ELMO1: variants seen among roughly 807,000 people sequenced by gnomAD.
ELMO1 encodes engulfment and cell motility protein 1.
Under a neutral mutation model 98.9 loss-of-function variants are expected in ELMO1, and 26 were observed. The ratio of observed to expected loss-of-function variants is 0.26; its 90% CI spans 0.19 to 0.36. The LOEUF is 0.36. Among genes scored for constraint, ELMO1 ranks in the 10% least tolerant of loss-of-function variants. The pLI is 1.00. For synonymous variants in ELMO1, 346 were observed against 346.0 expected, an observed-to-expected ratio of 1.00 and a Z score of 0.00; for missense variants, 627 against 935.2, an observed-to-expected ratio of 0.67 and a Z score of 4.30.
chr7:36,913,138 T>C (rs538236304), intron 16 of ELMO1, among the ~76,000 whole-genome samples: 2 of 152,358 alleles, frequency 1.3e-5, no homozygotes, highest in Non-Finnish European at 2.9e-5. Context: ...TCTGCTGCTA[T>C]GTTAATTACA....
At chr7:37,163,620 A>G (rs1789398109) in intron 13 of ELMO1, among the ~76,000 whole-genome samples, 1 of 151,756 alleles carries the variant, frequency 6.6e-6, no homozygotes, top group Non-Finnish European at 1.5e-5. Flanking sequence ...GCGATAGTTT[A>G]CTGAGAATGA....
At position 36,870,293 on chromosome 7, in the gene ELMO1, C is replaced by G. The variant is rs774573397; in HGVS notation, c.1905+100G>C. On this transcript the variant is annotated intron_variant, in intron 20 of 21. Coordinates refer to ENST00000310758, the MANE Select transcript of ELMO1 (RefSeq NM_014800.11). The surrounding 1 kb of genome is among the most constrained non-coding windows in gnomAD (Gnocchi z 4.4). ...AATAAGAGATGTGTGTCTGAACACA[C>G]GCACACACACGAACACTGCTATAAA... is the stretch of plus-strand genomic sequence containing the variant. 5 of 965,726 alleles carry G rather than the reference C, an allele frequency of 5.2e-6. No individual in the cohort carries two copies. The highest frequency in any genetic ancestry group is 8.1e-6 in the Non-Finnish European group (5 of 614,940). 59.8% of individuals were successfully genotyped at this position (965,726 alleles called of 1,614,324 possible).
intron 15 of ELMO1, among the ~76,000 whole-genome samples, chr7:37,058,765 G>A (rs1796520008): frequency 6.6e-6 from 1 of 152,112 alleles, no homozygotes. Flanking sequence ...GATTCCACAT[G>A]GCCCATATCC....
intron 14 of ELMO1, among the ~76,000 whole-genome samples, chr7:37,114,833 T>C (rs1413922807): frequency 6.6e-6 from 1 of 151,992 alleles, no homozygotes; most frequent in East Asian, 1.9e-4. Context: ...GCTAGTTTTT[T>C]GAAAAGATCA....
intron 6 of ELMO1, among the ~76,000 whole-genome samples, chr7:37,255,749 TCAG>T (rs1348972306): frequency 1.3e-5 from 2 of 152,172 alleles, no homozygotes; most frequent in Non-Finnish European, 2.9e-5. Context: ...CCAACTCATA[TCAG>T]CAGGTGACAT....
intron 1 of ELMO1, among the ~76,000 whole-genome samples, chr7:37,406,249 C>T (rs1363182432): frequency 6.8e-6 from 1 of 147,830 alleles, no homozygotes; most frequent in African/African-American, 2.5e-5. Context: ...AGGGAGAAAT[C>T]TGCAATATTA....
intron 13 of ELMO1, among the ~76,000 whole-genome samples, chr7:37,146,500 G>A (rs1490787658): frequency 6.6e-6 from 1 of 152,018 alleles, no homozygotes; most frequent in Non-Finnish European, 1.5e-5. Flanking sequence ...GCTTTAGATA[G>A]GACATACATT....
chr7:37,217,671 G>T (rs769812642), intron 10 of ELMO1: 1 of 456,780 alleles, frequency 2.2e-6, no homozygotes, highest in South Asian at 1.5e-5. Flanking sequence ...CAGGAGAGCA[G>T]GGCCCACTTT....
At chr7:37,096,214 A>T (rs2129256306) in intron 15 of ELMO1, among the ~76,000 whole-genome samples, 1 of 152,350 alleles carries the variant, frequency 6.6e-6, no homozygotes, top group East Asian at 1.9e-4. Context: ...GAATTTCATT[A>T]AGGTATTCAA....
intron 13 of ELMO1, among the ~76,000 whole-genome samples, chr7:37,184,865 C>T (rs566449302): frequency 2.0e-4 from 31 of 151,814 alleles, no homozygotes; most frequent in Admixed American, 2.6e-4. Context: ...TGCCACTGCA[C>T]GCCAGCTGGG....
At chr7:36,998,350 T>C (rs1366943016) in intron 16 of ELMO1, among the ~76,000 whole-genome samples, 3 of 152,132 alleles carry the variant, frequency 2.0e-5, no homozygotes, top group South Asian at 2.1e-4. Flanking sequence ...TCAAAATATA[T>C]ATTAATGCAC....
chr7:37,025,050 A>G (rs1794489604), intron 15 of ELMO1, among the ~76,000 whole-genome samples: 1 of 152,226 alleles, frequency 6.6e-6, no homozygotes, highest in Non-Finnish European at 1.5e-5. Context: ...GGTCTTGCCA[A>G]TAGGCTCTGT....
chr7:36,914,389 G>A (rs369108432), intron 16 of ELMO1, among the ~76,000 whole-genome samples: 24 of 152,160 alleles, frequency 1.6e-4, no homozygotes, highest in Non-Finnish European at 2.8e-4. Flanking sequence ...AAGGCTTTTC[G>A]CATCTTAATT....
chr7:36,973,701 C>G (rs1790185924), intron 16 of ELMO1, among the ~76,000 whole-genome samples: 1 of 152,186 alleles, frequency 6.6e-6, no homozygotes, highest in African/African-American at 2.4e-5. Context: ...TCTGGGCTGG[C>G]CAAGGCCGGA....
intron 16 of ELMO1, among the ~76,000 whole-genome samples, chr7:36,992,963 A>T (rs1444715165): frequency 6.6e-6 from 1 of 152,190 alleles, no homozygotes; most frequent in Non-Finnish European, 1.5e-5. Flanking sequence ...CTGTGACAAC[A>T]GGGATTACAC....
At chr7:37,013,665 A>G (rs1793722142) in intron 15 of ELMO1, 1 of 494,776 alleles carries the variant, frequency 2.0e-6, no homozygotes, top group Admixed American at 3.2e-5. Context: ...TTGGACTCAT[A>G]AAAGTCAGTC....
intron 2 of ELMO1, among the ~76,000 whole-genome samples, chr7:37,317,601 T>C (rs1381320697): frequency 1.3e-5 from 2 of 152,236 alleles, no homozygotes; most frequent in African/African-American, 4.8e-5. Context: ...TTCTCATTTA[T>C]TTGTGGGATC....
intron 1 of ELMO1, among the ~76,000 whole-genome samples, chr7:37,397,798 C>A (rs139168695): frequency 6.6e-6 from 1 of 152,184 alleles, no homozygotes; most frequent in Non-Finnish European, 1.5e-5. Flanking sequence ...AGTACATATA[C>A]ACCATGGAAT....
chr7:37,440,939 T>C (rs1470313195), intron 1 of ELMO1, among the ~76,000 whole-genome samples: 3 of 151,930 alleles, frequency 2.0e-5, no homozygotes, highest in Admixed American at 6.6e-5. Context: ...AGCCACATGC[T>C]TTCTGAGGGC....
Sources: gnomAD v4.1 joint callset for allele counts (sites outside exome capture counted in the v4.1 genomes callset) on GRCh38, gnomAD v4.1.1 for gene constraint, Gnocchi (gnomAD v3.1) non-coding constraint, MANE v1.5 for transcripts, NCBI Gene and HGNC (gene_info 2026-07-23, HGNC 2026-07-21) for gene names.